MORN5: variants seen among roughly 807,000 people sequenced by gnomAD.
The protein encoded by MORN5 is MORN repeat containing 5.
A neutral mutation model predicts 22.1 loss-of-function variants in MORN5; 21 were observed. The ratio of observed to expected loss-of-function variants is 0.95; its 90% CI spans 0.67 to 1.37. MORN5 has a LOEUF of 1.37. MORN5 is among the 40% of genes most tolerant of loss of function. The probability of loss-of-function intolerance (pLI) is 0.00; values close to 1 mark genes in which losing one functional copy is unlikely to be tolerated. For synonymous variants in MORN5, 73 were observed against 74.0 expected (o/e 0.99, Z 0.07); for missense variants, 211 against 215.1 (o/e 0.98, Z 0.12).
intron 3 of MORN5, among the ~76,000 whole-genome samples, chr9:122,171,531 A>G (rs1829365919): frequency 6.6e-6 from 1 of 151,914 alleles, no homozygotes; most frequent in African/African-American, 2.4e-5. Flanking sequence ...CTAAGCCTTC[A>G]ACTACCATCA....
chr9:122,174,196 C>T (rs1829409161), intron 3 of MORN5, among the ~76,000 whole-genome samples: 1 of 152,202 alleles, frequency 6.6e-6, no homozygotes, highest in Non-Finnish European at 1.5e-5. Flanking sequence ...CAGGGTCTGT[C>T]TAACTTCAGA....
intron 4 of MORN5, among the ~76,000 whole-genome samples, chr9:122,182,465 C>T (rs1016700306): frequency 2.0e-5 from 3 of 152,184 alleles, no homozygotes; most frequent in African/African-American, 7.2e-5. Context: ...TAACAGCTTA[C>T]CTTGGCCATG....
At chr9:122,160,108 C>A in intron 1 of MORN5, 89 bp downstream of exon 1, 1 of 1,218,112 alleles carries the variant, frequency 8.2e-7, no homozygotes, top group Non-Finnish European at 1.2e-6. Context: ...CACCTTGTGC[C>A]AGGCACTTTC....
At chr9:122,166,575 G>A (rs1483388116) in intron 1 of MORN5, among the ~76,000 whole-genome samples, 193 bp from the exon 2 acceptor site, 1 of 152,108 alleles carries the variant, frequency 6.6e-6, no homozygotes, top group Non-Finnish European at 1.5e-5. Context: ...AATGAACAGA[G>A]CAAACTCTAT....
chr9:122,161,624 G>A (rs1829200667), intron 1 of MORN5, among the ~76,000 whole-genome samples: 1 of 152,200 alleles, frequency 6.6e-6, no homozygotes, highest in African/African-American at 2.4e-5. Context: ...TTTTCACAAG[G>A]CTCTGCTACA....
At chr9:122,171,293 C>T (rs1460432666) in intron 3 of MORN5, among the ~76,000 whole-genome samples, 1 of 152,184 alleles carries the variant, frequency 6.6e-6, no homozygotes, top group East Asian at 1.9e-4. Context: ...CCTTCCCTTC[C>T]CAGCTTCATG....
chr9:122,187,911 A>G (rs1348640281), intron 4 of MORN5, among the ~76,000 whole-genome samples: 1 of 152,146 alleles, frequency 6.6e-6, no homozygotes, highest in African/African-American at 2.4e-5. Flanking sequence ...GGCTAGGCCT[A>G]AAAGGATGAG....
At chr9:122,164,193 GAGA>G (rs1384850667) in intron 1 of MORN5, among the ~76,000 whole-genome samples, 1 of 138,602 alleles carries the variant, frequency 7.2e-6, no homozygotes, top group Non-Finnish European at 1.5e-5. Flanking sequence ...TAAAATGGAA[GAGA>G]AGGAGGGAGA....
chr9:122,187,130 C>T (rs946391958), intron 4 of MORN5, among the ~76,000 whole-genome samples: 17 of 152,262 alleles, frequency 1.1e-4, no homozygotes, highest in African/African-American at 4.1e-4. Context: ...CCAGCAAGAA[C>T]AGCGGCTGGC....
At chr9:122,182,896 A>G (rs1016917428) in intron 4 of MORN5, among the ~76,000 whole-genome samples, 1 of 152,272 alleles carries the variant, frequency 6.6e-6, no homozygotes, top group Non-Finnish European at 1.5e-5. Flanking sequence ...CTAGTGATAC[A>G]GTCAGATTCA....
chr9:122,191,674 C>T (rs930977645), intron 4 of MORN5, among the ~76,000 whole-genome samples: 3 of 152,250 alleles, frequency 2.0e-5, no homozygotes, highest in Non-Finnish European at 2.9e-5. Context: ...CGCAGGTGTG[C>T]GCAGCCCAAA....
intron 4 of MORN5, among the ~76,000 whole-genome samples, chr9:122,198,967 T>C (rs530673061): frequency 1.4e-4 from 21 of 152,284 alleles, no homozygotes; most frequent in African/African-American, 5.1e-4. Flanking sequence ...AACATGCATT[T>C]TGAGGGGTCT....
intron 1 of MORN5, among the ~76,000 whole-genome samples, chr9:122,161,947 A>G (rs1458963648): frequency 6.6e-6 from 1 of 152,236 alleles, no homozygotes; most frequent in Non-Finnish European, 1.5e-5. Context: ...TCCCATAACT[A>G]GCAAGAAGTC....
intron 1 of MORN5, among the ~76,000 whole-genome samples, chr9:122,166,365 A>T (rs1829282372): frequency 6.6e-6 from 1 of 152,002 alleles, no homozygotes; most frequent in South Asian, 2.1e-4. Flanking sequence ...CACTTGTGGC[A>T]TAATAGGCAA....
At chr9:122,193,195 CCTGA>C (rs1564424330) in intron 4 of MORN5, among the ~76,000 whole-genome samples, 1 of 152,180 alleles carries the variant, frequency 6.6e-6, no homozygotes, top group Non-Finnish European at 1.5e-5. Context: ...CACCCCCTTT[CCTGA>C]CCATAGTGCC....
rs904097343 is a variant in MORN5, at chr9:122,197,521, G to T, written c.440-2364G>T. Among the ~76,000 whole-genome samples, 4 of 152,204 alleles carry T rather than the reference G, an allele frequency of 2.6e-5. No homozygotes were observed. The highest frequency in any genetic ancestry group is 7.2e-5 in the African/African-American group (3 of 41,456). On this transcript the variant is annotated intron_variant, in intron 4 of 4. Transcript: ENST00000373764. This position sits in a 1 kb window ranked among gnomAD's most constrained non-coding sequence, Gnocchi z 5.7. ...CCAGGGGAGCCGCAGAGAGGCGCAG[G>T]GGAGGCGGAGGGAGGGGTTGGTGAG...
At chr9:122,198,305 G>A (rs149765929) in intron 4 of MORN5, among the ~76,000 whole-genome samples, 148 of 152,302 alleles carry the variant, frequency 9.7e-4, no homozygotes, top group Non-Finnish European at 1.4e-3. Context: ...CAAGCTTTCC[G>A]CCAGCCCTCT....
At chr9:122,178,878 C>A (rs564772573) in intron 4 of MORN5, among the ~76,000 whole-genome samples, 3 of 152,172 alleles carry the variant, frequency 2.0e-5, no homozygotes, top group Admixed American at 6.5e-5. Context: ...TTCCATAGAG[C>A]GTTCCCTTTC....
At chr9:122,194,223 T>G (rs1264464157) in intron 4 of MORN5, among the ~76,000 whole-genome samples, 1 of 152,188 alleles carries the variant, frequency 6.6e-6, no homozygotes, top group African/African-American at 2.4e-5. Context: ...ACTGGCCACA[T>G]GGCTGGCCAC....
Sources: gnomAD v4.1 joint callset for allele counts (sites outside exome capture counted in the v4.1 genomes callset) on GRCh38, gnomAD v4.1.1 for gene constraint, Gnocchi (gnomAD v3.1) non-coding constraint, MANE v1.5 for transcripts, NCBI Gene and HGNC (gene_info 2026-07-23, HGNC 2026-07-21) for gene names.